Variants in IPO9 observed in about 807,000 individuals in gnomAD.
The protein encoded by IPO9 is importin 9.
A neutral mutation model predicts 128.6 loss-of-function variants in IPO9; 28 were observed. The ratio of observed to expected loss-of-function variants is 0.22; its 90% CI spans 0.16 to 0.30. The LOEUF (loss-of-function observed/expected upper bound fraction) is 0.30. IPO9 is among the 10% of genes least tolerant of loss of function. The pLI, the probability that IPO9 is intolerant of heterozygous loss-of-function variation, is 1.00. For synonymous variants in IPO9, 455 were observed against 475.8 expected (o/e 0.96, Z 0.57); for missense variants, 935 against 1,293.9 (o/e 0.72, Z 4.26).
chr1:201,865,150 C>T (rs560960773), intron 14 of IPO9, among the ~76,000 whole-genome samples: 85 of 152,016 alleles, frequency 5.6e-4, no homozygotes, highest in Non-Finnish European at 9.1e-4. Flanking sequence ...AGTTTACCAG[C>T]CAATTGCAGA....
chr1:201,873,935 T>G (rs1421105879), intron 20 of IPO9, among the ~76,000 whole-genome samples: 1 of 152,210 alleles, frequency 6.6e-6, no homozygotes, highest in Non-Finnish European at 1.5e-5. Flanking sequence ...TTACCTCCGC[T>G]GTCTCTCAAA....
rs991318728 is a variant in IPO9 at position 201,872,747 on chromosome 1, C to T, written c.2577-81C>T. The T allele has an allele frequency of 3.3e-6, 5 of 1,492,640 alleles. No individual in the cohort carries two copies. The Admixed American group carries it at 5.9e-5, about 18-fold the overall frequency. The allele number at this position is 1,492,640 out of a possible 1,614,324, so 92.5% of individuals were successfully genotyped here. A position where few individuals can be genotyped will look rare whatever the true frequency, so the allele number is the denominator to read the frequency against. On this transcript the variant is annotated intron_variant, in intron 19 of 23. Coordinates refer to ENST00000361565, the MANE Select transcript of IPO9 (RefSeq NM_018085.5). ...GAATTTTCACTATCAAATAGAGGGTCTTAGGACATAATTGCTTATCTCCTT... is the reference window on the plus strand; with the variant it reads ...GAATTTTCACTATCAAATAGAGGGTTTTAGGACATAATTGCTTATCTCCTT...
intron 11 of IPO9, 27 bp from the exon 12 acceptor site, chr1:201,858,418 CAG>C: frequency 1.5e-6 from 2 of 1,296,628 alleles, no homozygotes; most frequent in Non-Finnish European, 1.1e-6. Context: ...TGGGCACAAA[CAG>C]ATTTATTAGC....
chr1:201,856,825 C>A (rs111396057), intron 10 of IPO9, among the ~76,000 whole-genome samples: 2,516 of 152,074 alleles, frequency 0.017, 73 homozygotes, highest in African/African-American at 0.058. Flanking sequence ...TAGCTGAGAC[C>A]ACAGGCATAT....
At position 201,880,764 on chromosome 1, in the gene IPO9, C is replaced by G. The variant is rs1300804874; in HGVS notation, c.*4710C>G. The stretch of plus-strand genomic sequence containing the variant: ...CTGAACATAATGATGGTTTGACTTC[C>G]AGTTTTTCAACTTTAGGATTGTGCA... On this transcript the variant is annotated 3_prime_UTR_variant, in exon 24 of 24. Transcript: ENST00000361565. 1 of 152,166 alleles carries G rather than the reference C, an allele frequency of 6.6e-6. No homozygotes were observed. The highest frequency in any genetic ancestry group is 1.9e-4 in the East Asian group (1 of 5,194). 9.4% of individuals were successfully genotyped at this position (152,166 alleles called of 1,614,324 possible).
In IPO9 at chr1:201,832,311, T is replaced by G. The variant is rs186359514; in HGVS notation, c.163+2939T>G. Among the ~76,000 whole-genome samples, 658 of 150,340 alleles carry G rather than the reference T, an allele frequency of 4.4e-3. 1 individual carries two copies. The highest frequency in any genetic ancestry group is 7.2e-3 in the Non-Finnish European group (489 of 67,704). ...CTGTGGTCCAGGGCCCAGGCTGGAG[T>G]GCAGTGGCATGATCTCAGCTCACTG... On this transcript the variant is annotated intron_variant, in intron 1 of 23. Transcript: ENST00000361565.
intron 1 of IPO9, among the ~76,000 whole-genome samples, chr1:201,830,944 T>C (rs1399602709): frequency 1.3e-5 from 2 of 152,258 alleles, no homozygotes; most frequent in Non-Finnish European, 2.9e-5. Context: ...TGGTCTCATC[T>C]GGGCAAAGTC....
At chr1:201,873,763 C>T (rs1024894391) in intron 20 of IPO9, among the ~76,000 whole-genome samples, 1 of 152,090 alleles carries the variant, frequency 6.6e-6, no homozygotes, top group Non-Finnish European at 1.5e-5. Context: ...AAAAAAAAGA[C>T]AAAAATAGTC....
At chr1:201,840,082 C>G (rs1260037216) in intron 1 of IPO9, among the ~76,000 whole-genome samples, 2 of 152,118 alleles carry the variant, frequency 1.3e-5, no homozygotes, top group African/African-American at 2.4e-5. Flanking sequence ...GTCAGGCTGA[C>G]AAAAAAATTT....
chr1:201,869,609 C>T lies in IPO9; in HGVS notation c.2024C>T (p.Thr675Ile). 1 of 1,614,126 alleles carries T rather than the reference C, an allele frequency of 6.2e-7. No individual in the cohort carries two copies. Among genetic ancestry groups the T allele is most frequent in the Non-Finnish European group, 8.5e-7 (1 of 1,180,000 alleles). ...GLCATAIDILTTVVRNTKPPL... is the reference protein window; with the variant it reads ...GLCATAIDILITVVRNTKPPL... ...TTTCAGACAGCCATTGATATCCTGA[C>T]AACAGTAGTACGAAATACAAAGCCT... The change falls in exon 17 of 24, where the codon ACA becomes ATA. Residue 675 changes from threonine to isoleucine, a missense_variant. Coordinates refer to ENST00000361565, the MANE Select transcript of IPO9 (RefSeq NM_018085.5).
intron 4 of IPO9, among the ~76,000 whole-genome samples, chr1:201,851,644 G>A (rs1680220520): frequency 1.3e-5 from 2 of 152,202 alleles, no homozygotes; most frequent in South Asian, 2.1e-4. Flanking sequence ...TATACAAAGA[G>A]GAGTTGAGGC....
At chr1:201,869,946 G>A (rs1680618455) in intron 17 of IPO9, among the ~76,000 whole-genome samples, 1 of 152,210 alleles carries the variant, frequency 6.6e-6, no homozygotes, top group Non-Finnish European at 1.5e-5. Context: ...CTGCCCATCT[G>A]TATTGGGTAT....
At chr1:201,841,068 T>TAAAATC (rs1055932525) in intron 1 of IPO9, among the ~76,000 whole-genome samples, 1 of 152,110 alleles carries the variant, frequency 6.6e-6, no homozygotes, top group Non-Finnish European at 1.5e-5. Context: ...TAATTAAAAT[T>TAAAATC]AAAATCAAAC....
intron 1 of IPO9, among the ~76,000 whole-genome samples, chr1:201,834,476 G>C (rs911181317): frequency 6.6e-6 from 1 of 151,824 alleles, no homozygotes; most frequent in East Asian, 1.9e-4. Context: ...TGGTGTATTC[G>C]TGCTTTATTT....
chr1:201,871,652 C>G (rs1477397052), intron 19 of IPO9, among the ~76,000 whole-genome samples: 3 of 152,106 alleles, frequency 2.0e-5, no homozygotes, highest in Non-Finnish European at 2.9e-5. Context: ...TTCGGCCTCC[C>G]ACAGTGCTGG....
At chr1:201,855,346 A>G (rs1034150851) in intron 9 of IPO9, among the ~76,000 whole-genome samples, 164 bp downstream of exon 9, 1 of 152,200 alleles carries the variant, frequency 6.6e-6, no homozygotes, top group African/African-American at 2.4e-5. Flanking sequence ...GAGAATTGAC[A>G]ATCTTTAATC....
chr1:201,880,270 TA>T lies in IPO9; in HGVS notation c.*4221del. 1 of 152,158 alleles carries T rather than the reference TA, an allele frequency of 6.6e-6. No homozygotes were observed. Among genetic ancestry groups the T allele is most frequent in the Non-Finnish European group, 1.5e-5 (1 of 68,038 alleles). The allele number at this position is 152,158 out of a possible 1,614,324, so 9.4% of individuals were successfully genotyped here. ...CCAGTGTGGTTCTAGGATGAGATAA[TA>T]AAAACAGGTTGTCTAGGGTAGTGTG... On this transcript the variant is annotated 3_prime_UTR_variant, in exon 24 of 24. Coordinates refer to ENST00000361565, the MANE Select transcript of IPO9 (RefSeq NM_018085.5).
At chr1:201,874,412 C>A in intron 21 of IPO9, 40 bp downstream of exon 21, 1 of 1,567,954 alleles carries the variant, frequency 6.4e-7, no homozygotes, top group Non-Finnish European at 8.6e-7. Flanking sequence ...TTTAGCCTGG[C>A]AGATCAAGTT....
At chr1:201,831,415 T>G (rs879360846) in intron 1 of IPO9, among the ~76,000 whole-genome samples, 1 of 152,140 alleles carries the variant, frequency 6.6e-6, no homozygotes, top group Non-Finnish European at 1.5e-5. Flanking sequence ...CTCTGGAGTT[T>G]AGTGCAATGC....
Sources: gnomAD v4.1 joint callset for allele counts (sites outside exome capture counted in the v4.1 genomes callset) on GRCh38, gnomAD v4.1.1 for gene constraint, MANE v1.5 for transcripts, NCBI Gene and HGNC (gene_info 2026-07-23, HGNC 2026-07-21) for gene names.